F7: variants seen among roughly 807,000 people sequenced by gnomAD.
F7 encodes coagulation factor VII.
F7 carries 38 observed loss-of-function variants against 47.5 expected under a neutral mutation model. That is an observed-to-expected ratio of 0.80 (90% confidence interval 0.62 to 1.05). The LOEUF (loss-of-function observed/expected upper bound fraction) is 1.05. Ranked by LOEUF, F7 falls within the 50% of genes least tolerant of loss-of-function variation. F7 has a pLI of 0.00. For synonymous variants in F7, 244 were observed against 258.5 expected (o/e 0.94, Z 0.54); for missense variants, 575 against 605.4 (o/e 0.95, Z 0.53).
At chr13:113,110,584 G>A in intron 1 of F7, 106 bp from the exon 2 acceptor site, 1 of 1,478,150 alleles carries the variant, frequency 6.8e-7, no homozygotes. Context: ...CCCTCCTCCA[G>A]GACGGGCGGG....
chr13:113,107,885 A>G (rs1160519181), intron 1 of F7, among the ~76,000 whole-genome samples: 2 of 46,120 alleles, frequency 4.3e-5, no homozygotes, highest in Non-Finnish European at 8.8e-5. Flanking sequence ...GGTGTTCCGG[A>G]GGCGAGGGTA....
chr13:113,112,598 A>G (rs2036122983), intron 2 of F7, among the ~76,000 whole-genome samples: 1 of 135,348 alleles, frequency 7.4e-6, no homozygotes, highest in Admixed American at 7.4e-5. Flanking sequence ...CCCACAGGAC[A>G]CCTCACAGAG....
In F7 at chr13:113,120,125, C is replaced by A. The variant is rs977929650; in HGVS notation, c.*1117C>A. 3.9e-5 allele frequency: 6 copies of A among 152,186 alleles called. No individual in the cohort carries two copies. The highest frequency in any genetic ancestry group is 6.5e-5 in the Admixed American group (1 of 15,278). The allele number at this position is 152,186 out of a possible 1,614,324, so 9.4% of individuals were successfully genotyped here. ...AATTTTCAACATCACTGAAATGAACCCTCACATGGAAGCTATTTTTTAAAA... is the reference window on the plus strand; with the variant it reads ...AATTTTCAACATCACTGAAATGAACACTCACATGGAAGCTATTTTTTAAAA... On this transcript the variant is annotated 3_prime_UTR_variant, in exon 8 of 8. Coordinates refer to ENST00000346342, the MANE Select transcript of F7 (RefSeq NM_019616.4).
At chr13:113,108,635 G>A (rs1163802204) in intron 1 of F7, among the ~76,000 whole-genome samples, 1 of 111,914 alleles carries the variant, frequency 8.9e-6, no homozygotes. Flanking sequence ...GTGTCCCGGG[G>A]GCGTGGGTGT....
At chr13:113,106,796 C>T in intron 1 of F7, 1 of 1,539,366 alleles carries the variant, frequency 6.5e-7, no homozygotes, top group Non-Finnish European at 8.8e-7. Flanking sequence ...GGGGCTGCAG[C>T]CCTAGCTCAC....
rs1265783983 is a variant in F7 at position 113,119,189 on chromosome 13, ACT to A, written c.*184_*185del. 3 of 626,814 alleles carry A rather than the reference ACT, an allele frequency of 4.8e-6. No individual in the cohort carries two copies. The highest frequency in any genetic ancestry group is 2.7e-5 in the East Asian group (1 of 36,422). The allele number at this position is 626,814 out of a possible 1,614,324, so 38.8% of individuals were successfully genotyped here. A position where few individuals can be genotyped will look rare whatever the true frequency, so the allele number is the denominator to read the frequency against. On this transcript the variant is annotated 3_prime_UTR_variant, in exon 8 of 8. Coordinates refer to ENST00000346342, the MANE Select transcript of F7 (RefSeq NM_019616.4). ...GAGACAGAGAGAGACTGAGGGAGAG[ACT>A]CTGAGGACATGGAGAGAGACTCAAA...
chr13:113,111,158 C>A (rs888651851), intron 2 of F7, among the ~76,000 whole-genome samples: 30 of 152,216 alleles, frequency 2.0e-4, no homozygotes, highest in Admixed American at 9.8e-4. Flanking sequence ...GGAGTCCCCC[C>A]AGTCCCCGAA....
At chr13:113,110,581 C>G in intron 1 of F7, 109 bp from the exon 2 acceptor site, 1 of 1,463,342 alleles carries the variant, frequency 6.8e-7, no homozygotes, top group Non-Finnish European at 9.3e-7. Flanking sequence ...CTCCCCTCCT[C>G]CAGGACGGGC....
chr13:113,105,907 T>C lies in F7; in HGVS notation c.64+2T>C. On this transcript the variant is annotated splice_donor_variant, in intron 1 of 7. Coordinates refer to ENST00000346342, the MANE Select transcript of F7 (RefSeq NM_019616.4). LOFTEE classifies it high-confidence loss of function. ...GGCTTCAGGGCTGCCTGGCTGCAGG[T>C]GCGTCCGGGGAGGTTTTCTCCATAA... is the stretch of plus-strand genomic sequence containing the variant. The C allele has an allele frequency of 6.3e-7, 1 of 1,585,272 alleles. No individual in the cohort carries two copies. Among genetic ancestry groups the C allele is most frequent in the Non-Finnish European group, 8.6e-7 (1 of 1,166,164 alleles).
At chr13:113,112,961 C>G (rs960934897) in intron 2 of F7, among the ~76,000 whole-genome samples, 1 of 151,452 alleles carries the variant, frequency 6.6e-6, no homozygotes, top group African/African-American at 2.4e-5. Context: ...ACCTCACACT[C>G]AGGGCACACT....
chr13:113,110,537 G>T (rs915552773), intron 1 of F7, 153 bp from the exon 2 acceptor site: 1 of 1,005,310 alleles, frequency 9.9e-7, no homozygotes, highest in Non-Finnish European at 1.5e-6. Context: ...AGCACGGCAG[G>T]GAGGACACCC....
Position 113,110,676 on chromosome 13 carries a change from C to G in F7, c.65-14C>G, listed in dbSNP as rs776517451. 5.2e-6 allele frequency: 8 copies of G among 1,547,968 alleles called. No individual in the cohort carries two copies. The highest frequency in any genetic ancestry group is 6.1e-6 in the Non-Finnish European group (7 of 1,146,392). On this transcript the variant is annotated splice_polypyrimidine_tract_variant and intron_variant, in intron 1 of 7. Coordinates refer to ENST00000346342, the MANE Select transcript of F7 (RefSeq NM_019616.4). ...GGCACGCGGTGGGCGCTTCACGGAA[C>G]TCGCATTTCCCAGTCTTCGTAACCC...
intron 4 of F7, 151 bp from the exon 5 acceptor site, chr13:113,115,509 C>G: frequency 1.3e-6 from 1 of 786,440 alleles, no homozygotes; most frequent in Non-Finnish European, 2.1e-6. Context: ...GTCCACGGAG[C>G]AGGTGGTGCC....
At position 113,117,502 on chromosome 13, in the gene F7, G is replaced by A; in HGVS notation, c.645G>A (p.Leu215=). 2 of 1,614,186 alleles carry A rather than the reference G, an allele frequency of 1.2e-6. No homozygotes were observed. The highest frequency in any genetic ancestry group is 1.7e-6 in the Non-Finnish European group (2 of 1,180,026). Reference sequence around the variant, plus strand: ...TGTTGTTGGTGAATGGAGCTCAGTTGTGTGGGGGGACCCTGATCAACACCA... The same window carrying A: ...TGTTGTTGGTGAATGGAGCTCAGTTATGTGGGGGGACCCTGATCAACACCA... The part of the protein sequence containing the change: ...QVLLLVNGAQ[L]CGGTLINTIW... Residue 215 remains leucine, a synonymous_variant, in exon 7 of 8, where the codon TTG becomes TTA. Transcript: ENST00000346342.
rs775024445 is a variant in F7 at position 113,118,463 on chromosome 13, G to T, written c.790G>T (p.Ala264Ser). 6.2e-7 allele frequency: 1 copy of T among 1,607,168 alleles called. No homozygotes were observed. Among genetic ancestry groups the T allele is most frequent in the East Asian group, 2.2e-5 (1 of 44,812 alleles). The change falls in exon 8 of 8, where the codon GCG becomes TCG. Residue 264 changes from alanine to serine, a missense_variant. Physicochemically the swap from Ala to Ser is moderately conservative, Grantham distance 99 (BLOSUM62 1). Transcript: ENST00000346342. ...HDGDEQSRRV[A>S]QVIIPSTYVP... ...CGGGGATGAGCAGAGCCGGCGGGTG[G>T]CGCAGGTCATCATCCCCAGCACGTA...
chr13:113,112,119 C>T (rs1217906496), intron 2 of F7, among the ~76,000 whole-genome samples: 2 of 147,224 alleles, frequency 1.4e-5, no homozygotes, highest in Admixed American at 6.7e-5. Context: ...GAGGTCACCT[C>T]ACACGGGGCA....
chr13:113,118,232 C>T (rs3093247), intron 7 of F7, among the ~76,000 whole-genome samples, 181 bp from the exon 8 acceptor site: 45 of 152,324 alleles, frequency 3.0e-4, no homozygotes, highest in African/African-American at 1.1e-3. Flanking sequence ...TGTCCCCACA[C>T]GAGCCACAGG....
chr13:113,110,649 G>A (rs919492396), intron 1 of F7, 41 bp from the exon 2 acceptor site: 1 of 1,546,958 alleles, frequency 6.5e-7, no homozygotes, highest in Non-Finnish European at 8.7e-7. Context: ...GGCACTGGGC[G>A]GGGCACGCGG....
chr13:113,114,298 T>G (rs2036155470), intron 4 of F7, among the ~76,000 whole-genome samples: 1 of 151,168 alleles, frequency 6.6e-6, no homozygotes, highest in Non-Finnish European at 1.5e-5. Flanking sequence ...AACTTCCCCT[T>G]CTCTACTTTC....
Sources: allele counts gnomAD v4.1 joint callset (sites outside exome capture counted in the v4.1 genomes callset), GRCh38; gene constraint gnomAD v4.1.1; transcripts MANE v1.5; gene names NCBI Gene and HGNC (gene_info 2026-07-23, HGNC 2026-07-21).